The following ARL6 variants were observed in gnomAD, a reference collection of about 807,000 sequenced individuals.
ARL6 encodes ARF like GTPase 6.
A neutral mutation model predicts 27.1 loss-of-function variants in ARL6; 18 were observed. The observed-to-expected ratio is 0.66, with a 90% CI of 0.46 to 0.98. ARL6 has a LOEUF of 0.98. ARL6 is among the 50% of genes least tolerant of loss of function. The pLI, the probability that ARL6 is intolerant of heterozygous loss-of-function variation, is 0.00. For synonymous variants in ARL6, 65 were observed against 72.3 expected (o/e 0.90, Z 0.51); for missense variants, 187 against 214.9 (o/e 0.87, Z 0.81).
At chr3:97,768,053 G>A in intron 1 of ARL6, 28 bp from the exon 2 acceptor site, 1 of 1,600,912 alleles carries the variant, frequency 6.2e-7, no homozygotes, top group Non-Finnish European at 8.5e-7. Flanking sequence ...GTGCCTTTGG[G>A]TAATATTTTA....
chr3:97,789,597 A>C (rs77599525), intron 6 of ARL6, among the ~76,000 whole-genome samples: 3,773 of 152,208 alleles, frequency 0.025, 75 homozygotes, highest in African/African-American at 0.047. Context: ...TTATTTTGCC[A>C]GTTGCTAGAT....
chr3:97,771,452 T>C (rs1265593344), intron 2 of ARL6, among the ~76,000 whole-genome samples: 2 of 152,112 alleles, frequency 1.3e-5, no homozygotes, highest in African/African-American at 4.8e-5. Context: ...GAACATGTCA[T>C]CTGCAAACAA....
Position 97,798,370 on chromosome 3 carries a change from A to T in ARL6, c.*321A>T, listed in dbSNP as rs985144425. ...TCATAATTTATGATATGTTTAATATATTTTATTTTTTAATTGTCTTTTTAA... is the reference window on the plus strand; with the variant it reads ...TCATAATTTATGATATGTTTAATATTTTTTATTTTTTAATTGTCTTTTTAA... On this transcript the variant is annotated 3_prime_UTR_variant, in exon 8 of 8. Transcript: ENST00000463745. 1.8e-4 allele frequency: 35 copies of T among 189,822 alleles called. No homozygotes were observed. The highest frequency in any genetic ancestry group is 7.5e-4 in the African/African-American group (32 of 42,834). 11.8% of individuals were successfully genotyped at this position (189,822 alleles called of 1,614,324 possible).
chr3:97,775,855 T>G (rs911218813), intron 2 of ARL6, among the ~76,000 whole-genome samples: 2 of 152,210 alleles, frequency 1.3e-5, no homozygotes, highest in Admixed American at 1.3e-4. Context: ...TTGCCTAACA[T>G]GATCTATTTT....
intron 2 of ARL6, among the ~76,000 whole-genome samples, chr3:97,774,873 T>C (rs186247088): frequency 1.3e-5 from 2 of 152,294 alleles, no homozygotes; most frequent in Admixed American, 1.3e-4. Flanking sequence ...TAATTTTCTT[T>C]CATTACTTTG....
At chr3:97,788,585 G>A (rs1402452751) in intron 6 of ARL6, among the ~76,000 whole-genome samples, 1 of 151,840 alleles carries the variant, frequency 6.6e-6, no homozygotes, top group African/African-American at 2.4e-5. Context: ...TGACAGCTGG[G>A]GTTTTGTCAG....
chr3:97,768,259 A>G (rs754945182), intron 2 of ARL6, 29 bp downstream of exon 2: 141 of 1,606,472 alleles, frequency 8.8e-5, no homozygotes, highest in Admixed American at 2.5e-4. Context: ...TGCTTTATGT[A>G]TTTTCTGCTA....
intron 5 of ARL6, among the ~76,000 whole-genome samples, chr3:97,787,483 G>GA (rs1417566116): frequency 6.6e-6 from 1 of 152,038 alleles, no homozygotes; most frequent in Admixed American, 6.6e-5. Flanking sequence ...TGTATCTTCT[G>GA]AATTTTGAAC....
intron 2 of ARL6, among the ~76,000 whole-genome samples, chr3:97,776,452 G>A (rs2036905693): frequency 6.6e-6 from 1 of 151,808 alleles, no homozygotes; most frequent in Admixed American, 6.6e-5. Flanking sequence ...ATTACTGATA[G>A]GTAAGGACTT....
At chr3:97,777,689 G>A (rs940624663) in intron 2 of ARL6, among the ~76,000 whole-genome samples, 11 of 152,130 alleles carry the variant, frequency 7.2e-5, no homozygotes, top group African/African-American at 2.7e-4. Flanking sequence ...ATAACCAAAT[G>A]TATTTGTTCT....
intron 4 of ARL6, among the ~76,000 whole-genome samples, chr3:97,780,970 C>G (rs2037168074): frequency 6.6e-6 from 1 of 152,090 alleles, no homozygotes; most frequent in African/African-American, 2.4e-5. Flanking sequence ...TAAAACTCAG[C>G]TAAAAGTCCT....
intron 2 of ARL6, among the ~76,000 whole-genome samples, chr3:97,777,055 A>G (rs1214194839): frequency 6.6e-6 from 1 of 152,194 alleles, no homozygotes; most frequent in Non-Finnish European, 1.5e-5. Context: ...CCCATTATAA[A>G]CGAGCATAGA....
At position 97,788,058 on chromosome 3, in the gene ARL6, T is replaced by C. The variant is rs1463393274; in HGVS notation, c.418T>C (p.Ser140Pro). 5 of 1,613,150 alleles carry C rather than the reference T, an allele frequency of 3.1e-6. No individual in the cohort carries two copies. The highest frequency in any genetic ancestry group is 4.2e-6 in the Non-Finnish European group (5 of 1,179,442). ...NKMDLRDAVTSVKVSQLLCLE... is the reference protein window; with the variant it reads ...NKMDLRDAVTPVKVSQLLCLE... ...AATGGATCTTAGAGATGCAGTGACATCTGTAAAAGTGTCTCAGTTGCTGTG... is the reference window on the plus strand; with the variant it reads ...AATGGATCTTAGAGATGCAGTGACACCTGTAAAAGTGTCTCAGTTGCTGTG... The change falls in exon 6 of 8, where the codon TCT becomes CCT. Residue 140 changes from serine to proline, a missense_variant. By Grantham distance (74) the Ser-to-Pro change is moderately conservative. Transcript: ENST00000463745.
chr3:97,768,269 A>G, intron 2 of ARL6, 39 bp downstream of exon 2: 1 of 1,597,666 alleles, frequency 6.3e-7, no homozygotes. Flanking sequence ...ATTTTCTGCT[A>G]CTAAAGAAAA....
chr3:97,777,433 T>A (rs1402913193), intron 2 of ARL6, among the ~76,000 whole-genome samples: 4 of 152,206 alleles, frequency 2.6e-5, no homozygotes, highest in African/African-American at 9.6e-5. Context: ...TCCTCCTGTA[T>A]ACCTTAAATC....
intron 2 of ARL6, among the ~76,000 whole-genome samples, chr3:97,777,720 T>C (rs1255227082): frequency 6.6e-6 from 1 of 152,200 alleles, no homozygotes; most frequent in Non-Finnish European, 1.5e-5. Flanking sequence ...AGAGGGAGAT[T>C]GATATTGTAA....
intron 2 of ARL6, among the ~76,000 whole-genome samples, chr3:97,776,035 T>C (rs950334446): frequency 5.9e-5 from 9 of 152,224 alleles, no homozygotes; most frequent in Non-Finnish European, 1.2e-4. Context: ...GAATGGGGTG[T>C]TGAAGTCCTC....
At chr3:97,783,492 A>C (rs1288425616) in intron 4 of ARL6, among the ~76,000 whole-genome samples, 5 of 151,846 alleles carry the variant, frequency 3.3e-5, no homozygotes, top group Admixed American at 1.3e-4. Context: ...ACAGTCCTTC[A>C]GTCAAAATCT....
intron 2 of ARL6, among the ~76,000 whole-genome samples, chr3:97,777,250 T>C (rs181555009): frequency 1.3e-5 from 2 of 152,292 alleles, no homozygotes; most frequent in Admixed American, 1.3e-4. Flanking sequence ...TCAGAAATCT[T>C]ATTCTGTTCC....
Sources: gnomAD v4.1 joint callset for allele counts (sites outside exome capture counted in the v4.1 genomes callset) on GRCh38, gnomAD v4.1.1 for gene constraint, MANE v1.5 for transcripts, NCBI Gene and HGNC (gene_info 2026-07-23, HGNC 2026-07-21) for gene names.